AOAH: variants seen among roughly 807,000 people sequenced by gnomAD.
AOAH encodes acyloxyacyl hydrolase.
AOAH carries 64 observed loss-of-function variants against 92.2 expected under a neutral mutation model. That is an observed-to-expected ratio of 0.69 (90% CI 0.57 to 0.86). The LOEUF is 0.86. Ranked by LOEUF, AOAH falls within the 40% of genes least tolerant of loss-of-function variation. AOAH has a pLI of 0.00. For missense variants in AOAH, 656 were observed against 694.6 expected (o/e 0.94, Z 0.62); for synonymous variants, 263 against 254.5 (o/e 1.03, Z -0.32).
In AOAH at chr7:36,660,061, C is replaced by T. The variant is rs140401159; in HGVS notation, c.291-796G>A. On this transcript the variant is annotated intron_variant, in intron 3 of 20. Coordinates refer to ENST00000617537, the MANE Select transcript of AOAH (RefSeq NM_001637.4). ...GATCTCTCCACCATGTACCTTGCAA[C>T]CCTCTCCTCTGCTAACAGTAAATAA... Among the ~76,000 whole-genome samples the T allele has an allele frequency of 1.2e-4, 18 of 152,310 alleles. No individual in the cohort carries two copies. In the East Asian group the frequency reaches 3.5e-3, roughly 29 times the overall value.
chr7:36,631,579 C>T (rs1201895106), intron 6 of AOAH, among the ~76,000 whole-genome samples: 1 of 152,136 alleles, frequency 6.6e-6, no homozygotes, highest in Non-Finnish European at 1.5e-5. Context: ...TGTATCTGAG[C>T]CAGATTTTTC....
intron 3 of AOAH, among the ~76,000 whole-genome samples, chr7:36,672,428 AATACTATGAAGCCATAAAAAGG>A (rs1199917999): frequency 2.0e-5 from 3 of 152,216 alleles, no homozygotes; most frequent in Non-Finnish European, 2.9e-5. Flanking sequence ...TACACCATGG[AATACTATGAAGCCATAAAAAGG>A]ATGAGTGCTC....
chr7:36,529,875 C>T (rs1326694972), intron 19 of AOAH, among the ~76,000 whole-genome samples: 1 of 152,208 alleles, frequency 6.6e-6, no homozygotes, highest in Non-Finnish European at 1.5e-5. Flanking sequence ...GCTAAAAAAG[C>T]AACTTAGTAA....
intron 4 of AOAH, among the ~76,000 whole-genome samples, chr7:36,646,217 G>A (rs1794217091): frequency 1.3e-5 from 2 of 152,178 alleles, no homozygotes; most frequent in African/African-American, 4.8e-5. Context: ...GGAAATAACA[G>A]TTCTTAACTC....
intron 12 of AOAH, among the ~76,000 whole-genome samples, chr7:36,582,071 G>C (rs925568889): frequency 2.0e-5 from 3 of 152,200 alleles, no homozygotes; most frequent in Non-Finnish European, 4.4e-5. Context: ...CATAGGACAA[G>C]CTGAGGCTAC....
intron 5 of AOAH, among the ~76,000 whole-genome samples, chr7:36,633,387 C>T (rs1439927164): frequency 6.6e-6 from 1 of 152,178 alleles, no homozygotes; most frequent in Non-Finnish European, 1.5e-5. Flanking sequence ...AGTATTGATG[C>T]CACCTGGGAG....
intron 13 of AOAH, among the ~76,000 whole-genome samples, chr7:36,569,151 C>T (rs1787918034): frequency 6.6e-6 from 1 of 152,152 alleles, no homozygotes; most frequent in Non-Finnish European, 1.5e-5. Flanking sequence ...GAAGACTGGT[C>T]CCAGGAAAAC....
intron 16 of AOAH, among the ~76,000 whole-genome samples, chr7:36,537,350 A>C (rs1785135362): frequency 6.6e-6 from 1 of 151,330 alleles, no homozygotes; most frequent in South Asian, 2.1e-4. Flanking sequence ...AGCCAGAGAG[A>C]GTCCACTTGA....
rs147666552 is a variant in AOAH, at chr7:36,522,164, G to A, written c.1523-49C>T. ...TTACAGACACACTTGCACAAGCAAC[G>A]GCCAATATCCAAGGACAAGGACGTG... On this transcript the variant is annotated intron_variant, in intron 19 of 20. Coordinates refer to ENST00000617537, the MANE Select transcript of AOAH (RefSeq NM_001637.4). 5 of 1,571,930 alleles carry A rather than the reference G, an allele frequency of 3.2e-6. No homozygotes were observed. In the African/African-American group the frequency reaches 4.0e-5, roughly 13 times the overall value.
intron 16 of AOAH, 145 bp from the exon 17 acceptor site, chr7:36,532,489 A>C (rs1444159108): frequency 1.3e-6 from 1 of 772,544 alleles, no homozygotes; most frequent in African/African-American, 1.7e-5. Context: ...GCTCTTGAAG[A>C]ATGCCTGTGC....
chr7:36,563,178 A>AT (rs1787410492), intron 13 of AOAH, among the ~76,000 whole-genome samples: 5 of 144,574 alleles, frequency 3.5e-5, no homozygotes, highest in Admixed American at 2.8e-4. Flanking sequence ...AAAAAAAAAA[A>AT]AAAAAAGGCA....
chr7:36,536,060 C>T (rs1198781464), intron 16 of AOAH, among the ~76,000 whole-genome samples: 4 of 152,122 alleles, frequency 2.6e-5, no homozygotes, highest in East Asian at 1.9e-4. Flanking sequence ...AGGAGGGATG[C>T]GAGGAGAGAT....
chr7:36,530,445 A>G lies in AOAH; in HGVS notation c.1495T>C (p.Phe499Leu). 6.2e-7 allele frequency: 1 copy of G among 1,613,606 alleles called. No individual in the cohort carries two copies. Among genetic ancestry groups the G allele is most frequent in the Non-Finnish European group, 8.5e-7 (1 of 1,179,482 alleles). ...TCATGGAAGGCAAAATCCATGTAGAAAAGATTGAAGTTTGTAAATTTCTCA... is the reference window on the plus strand; with the variant it reads ...TCATGGAAGGCAAAATCCATGTAGAGAAGATTGAAGTTTGTAAATTTCTCA... ...ASEKFTNFNL[F>L]YMDFAFHEII... Residue 499 changes from phenylalanine to leucine, a missense_variant, in exon 19 of 21, where the codon TTC (phenylalanine) becomes CTC (leucine). Transcript: ENST00000617537.
At chr7:36,530,707 T>TAACATTTGTTAACATTCCA (rs1198296744) in intron 18 of AOAH, 193 bp from the exon 19 acceptor site, 3 of 532,728 alleles carry the variant, frequency 5.6e-6, no homozygotes, top group Non-Finnish European at 1.0e-5. Context: ...AGACAAATGT[T>TAACATTTGTTAACATTCCA]AATGTTCATT....
chr7:36,520,323 A>G (rs1784044959), intron 20 of AOAH, among the ~76,000 whole-genome samples: 1 of 152,222 alleles, frequency 6.6e-6, no homozygotes. Flanking sequence ...TTACATGGCC[A>G]TCTTTTCATA....
chr7:36,629,098 A>C (rs1175910363), intron 6 of AOAH, among the ~76,000 whole-genome samples: 1 of 152,244 alleles, frequency 6.6e-6, no homozygotes. Flanking sequence ...TGAACCACAG[A>C]TGGCTTTGAA....
intron 1 of AOAH, among the ~76,000 whole-genome samples, chr7:36,718,746 G>A (rs760623074): frequency 6.6e-6 from 1 of 152,158 alleles, no homozygotes; most frequent in African/African-American, 2.4e-5. Flanking sequence ...AATGCCCATA[G>A]AGACAGGAAG....
At chr7:36,520,392 A>G (rs1271829377) in intron 20 of AOAH, among the ~76,000 whole-genome samples, 1 of 152,198 alleles carries the variant, frequency 6.6e-6, no homozygotes, top group African/African-American at 2.4e-5. Context: ...GAATGATAAG[A>G]ACTAGTACCT....
chr7:36,686,858 G>T (rs1421397332), intron 1 of AOAH, 64 bp from the exon 2 acceptor site: 1 of 1,096,254 alleles, frequency 9.1e-7, no homozygotes, highest in Non-Finnish European at 1.3e-6. Context: ...AGGGACAGGA[G>T]AAAGAAAGGA....
Sources: gnomAD v4.1 joint callset for allele counts (sites outside exome capture counted in the v4.1 genomes callset) on GRCh38, gnomAD v4.1.1 for gene constraint, MANE v1.5 for transcripts, NCBI Gene and HGNC (gene_info 2026-07-23, HGNC 2026-07-21) for gene names.